The following EPHA5 variants were observed in gnomAD, a reference collection of about 807,000 sequenced individuals.
EPHA5 encodes ephrin type-A receptor 5.
Under a neutral mutation model 105.0 loss-of-function variants are expected in EPHA5, and 60 were observed. That is an observed-to-expected ratio of 0.57 (90% CI 0.46 to 0.71). The LOEUF (loss-of-function observed/expected upper bound fraction) is 0.71. Among genes scored for constraint, EPHA5 ranks in the 30% least tolerant of loss-of-function variants. EPHA5 has a pLI of 0.00. For missense variants in EPHA5, 1,218 were observed against 1,274.7 expected, an observed-to-expected ratio of 0.96 and a Z score of 0.68; for synonymous variants, 513 against 449.1, an observed-to-expected ratio of 1.14 and a Z score of -1.80.
At chr4:65,426,829 G>A (rs1353623284) in intron 5 of EPHA5, among the ~76,000 whole-genome samples, 1 of 151,776 alleles carries the variant, frequency 6.6e-6, no homozygotes, top group East Asian at 1.9e-4. Flanking sequence ...TGTCTTCAAA[G>A]CAATATATTT....
At chr4:65,415,238 T>C (rs1347589294) in intron 6 of EPHA5, among the ~76,000 whole-genome samples, 1 of 152,100 alleles carries the variant, frequency 6.6e-6, no homozygotes, top group Non-Finnish European at 1.5e-5. Flanking sequence ...TGCTCAAATA[T>C]AACGGGTCCA....
intron 8 of EPHA5, among the ~76,000 whole-genome samples, chr4:65,374,620 G>C (rs1030068579): frequency 6.6e-6 from 1 of 151,830 alleles, no homozygotes; most frequent in African/African-American, 2.4e-5. Context: ...AGTTATCTCA[G>C]GGTATTTCTA....
rs184258589 is a variant in EPHA5, at chr4:65,379,123, C to T, written c.1794-11699G>A. 5.7e-4 allele frequency among the ~76,000 whole-genome samples: 87 copies of T among 151,830 alleles called. 1 individual carries two copies. Among genetic ancestry groups the T allele is most frequent in the Admixed American group, 2.3e-3 (35 of 15,184 alleles). On this transcript the variant is annotated intron_variant, in intron 8 of 16. Coordinates refer to ENST00000613740, the MANE Select transcript of EPHA5 (RefSeq NM_001281766.3). ...GTGCATGGGAAAACAATAACTGCAT[C>T]GTGATTGGCTATTATCTCATAGAAT...
chr4:65,647,863 A>G (rs906127557), intron 1 of EPHA5, among the ~76,000 whole-genome samples: 2 of 152,190 alleles, frequency 1.3e-5, no homozygotes, highest in African/African-American at 4.8e-5. Flanking sequence ...GTTAATGAAT[A>G]TGTACTAAAT....
At chr4:65,382,121 G>A (rs1719619913) in intron 8 of EPHA5, among the ~76,000 whole-genome samples, 1 of 151,538 alleles carries the variant, frequency 6.6e-6, no homozygotes, top group Non-Finnish European at 1.5e-5. Flanking sequence ...TCATCTTAAG[G>A]AAAAAGTCAA....
chr4:65,594,219 T>C (rs1035890543), intron 3 of EPHA5, among the ~76,000 whole-genome samples: 1 of 152,162 alleles, frequency 6.6e-6, no homozygotes, highest in African/African-American at 2.4e-5. Context: ...AATTATCATG[T>C]TATAAAAATG....
intron 3 of EPHA5, among the ~76,000 whole-genome samples, chr4:65,563,311 A>T (rs1739209760): frequency 6.6e-6 from 1 of 152,052 alleles, no homozygotes; most frequent in African/African-American, 2.4e-5. Flanking sequence ...TAATATTTAC[A>T]TTTTAAGAGA....
At chr4:65,404,626 A>T (rs1013361516) in intron 7 of EPHA5, 147 bp from the exon 8 acceptor site, 2 of 633,530 alleles carry the variant, frequency 3.2e-6, no homozygotes, top group Non-Finnish European at 5.5e-6. Context: ...CTTTCTTAAA[A>T]GTGTGTAATT....
chr4:65,380,374 C>T (rs1399756238), intron 8 of EPHA5, among the ~76,000 whole-genome samples: 1 of 151,724 alleles, frequency 6.6e-6, no homozygotes, highest in Non-Finnish European at 1.5e-5. Flanking sequence ...AATAAAATTA[C>T]TTTAGTCAGC....
At chr4:65,480,146 T>A (rs1336344277) in intron 5 of EPHA5, among the ~76,000 whole-genome samples, 1 of 151,740 alleles carries the variant, frequency 6.6e-6, no homozygotes, top group Non-Finnish European at 1.5e-5. Flanking sequence ...AGAGAAAGGA[T>A]GAGAGAGGGA....
At chr4:65,469,467 G>T (rs953319191) in intron 5 of EPHA5, among the ~76,000 whole-genome samples, 1 of 152,042 alleles carries the variant, frequency 6.6e-6, no homozygotes, top group East Asian at 1.9e-4. Flanking sequence ...TTGTATTTTA[G>T]AAAGTATTAG....
intron 5 of EPHA5, among the ~76,000 whole-genome samples, chr4:65,431,485 A>G (rs1022713493): frequency 1.3e-5 from 2 of 152,124 alleles, no homozygotes. Context: ...TTGTACCAGC[A>G]CATTCCTTTC....
At chr4:65,632,799 G>A (rs541310911) in intron 2 of EPHA5, among the ~76,000 whole-genome samples, 36 of 152,082 alleles carry the variant, frequency 2.4e-4, no homozygotes, top group Admixed American at 6.6e-4. Flanking sequence ...ATCCAAAGAA[G>A]TATCCACACT....
intron 8 of EPHA5, among the ~76,000 whole-genome samples, chr4:65,381,235 T>C (rs983933978): frequency 6.6e-6 from 1 of 151,728 alleles, no homozygotes; most frequent in African/African-American, 2.4e-5. Context: ...ATTTGTTCAG[T>C]AAACCAAAGT....
chr4:65,371,552 G>A (rs1361694119), intron 8 of EPHA5, among the ~76,000 whole-genome samples: 1 of 151,972 alleles, frequency 6.6e-6, no homozygotes, highest in Non-Finnish European at 1.5e-5. Context: ...TGTAGAGATG[G>A]ACAGCCAACG....
intron 5 of EPHA5, among the ~76,000 whole-genome samples, chr4:65,451,280 T>A (rs1001185247): frequency 1.3e-5 from 2 of 152,202 alleles, no homozygotes; most frequent in African/African-American, 4.8e-5. Flanking sequence ...TCTTACAATA[T>A]GTTTTCAAGT....
chr4:65,570,598 A>ACATCATTAT (rs1740028737), intron 3 of EPHA5, among the ~76,000 whole-genome samples: 1 of 151,924 alleles, frequency 6.6e-6, no homozygotes, highest in East Asian at 1.9e-4. Flanking sequence ...CTCTAGGATA[A>ACATCATTAT]AAAAAGGTCA....
chr4:65,661,121 T>TACGGC (rs1749521979), intron 1 of EPHA5, among the ~76,000 whole-genome samples: 1 of 152,330 alleles, frequency 6.6e-6, no homozygotes, highest in Non-Finnish European at 1.5e-5. Flanking sequence ...GTAATACAGA[T>TACGGC]AATTGAGTTG....
At chr4:65,611,930 T>C (rs1239380722) in intron 2 of EPHA5, among the ~76,000 whole-genome samples, 1 of 142,684 alleles carries the variant, frequency 7.0e-6, no homozygotes, top group Non-Finnish European at 1.5e-5. Context: ...TCCAGGAGGA[T>C]GGCGTGAACC....
Sources: gnomAD v4.1 joint callset for allele counts (sites outside exome capture counted in the v4.1 genomes callset) on GRCh38, gnomAD v4.1.1 for gene constraint, MANE v1.5 for transcripts, NCBI Gene and HGNC (gene_info 2026-07-23, HGNC 2026-07-21) for gene names.